Variants in CAMKK2 observed in about 807,000 individuals in gnomAD.
The protein encoded by CAMKK2 is calcium/calmodulin dependent protein kinase kinase 2.
In CAMKK2, 30 loss-of-function variants were observed where a neutral mutation model predicts 67.2. The ratio of observed to expected loss-of-function variants is 0.45; its 90% CI spans 0.33 to 0.61. The LOEUF (loss-of-function observed/expected upper bound fraction) is 0.61. CAMKK2 is among the 20% of genes least tolerant of loss of function. The pLI is 0.02. For synonymous variants in CAMKK2, 322 were observed against 326.2 expected, an observed-to-expected ratio of 0.99 and a Z score of 0.14; for missense variants, 643 against 802.0, an observed-to-expected ratio of 0.80 and a Z score of 2.39.
In CAMKK2 at chr12:121,295,017, G is replaced by A. The variant is rs192328435; in HGVS notation, c.-60+1621C>T. Among the ~76,000 whole-genome samples the A allele has an allele frequency of 3.7e-3, 567 of 152,068 alleles. 1 individual carries two copies. Among genetic ancestry groups the A allele is most frequent in the African/African-American group, 0.013 (529 of 41,498 alleles). On this transcript the variant is annotated intron_variant, in intron 1 of 16. Coordinates refer to ENST00000404169, the MANE Select transcript of CAMKK2 (RefSeq NM_001270485.2). ...AAACCCCTTCTCTACTAAAAATACA[G>A]AAATTAGCCAGGCATGGTGGTGGGC...
rs201777143 is a variant in CAMKK2 at position 121,255,648 on chromosome 12, C to T, written c.819-10G>A. On this transcript the variant is annotated splice_polypyrimidine_tract_variant and intron_variant, in intron 8 of 16. Transcript: ENST00000404169. Reference sequence around the variant, plus strand: ...CACTTCCATCACGGGCCTGAAAGGTCGACACTCATGTGAAACACAAAGCAG... The same window carrying T: ...CACTTCCATCACGGGCCTGAAAGGTTGACACTCATGTGAAACACAAAGCAG... The T allele has an allele frequency of 1.4e-5, 23 of 1,611,830 alleles. No individual in the cohort carries two copies. In the East Asian group the frequency reaches 3.3e-4, roughly 23 times the overall value.
At chr12:121,288,147 C>A (rs1242280751) in intron 1 of CAMKK2, among the ~76,000 whole-genome samples, 2 of 152,126 alleles carry the variant, frequency 1.3e-5, no homozygotes, top group African/African-American at 4.8e-5. Context: ...CCTCTTCCCC[C>A]ACTGCATCCC....
chr12:121,257,867 C>A lies in CAMKK2; in HGVS notation c.797-2063G>T, dbSNP rs184808500. 3.9e-5 allele frequency among the ~76,000 whole-genome samples: 6 copies of A among 152,242 alleles called. No individual in the cohort carries two copies. The East Asian group carries it at 9.7e-4, about 25-fold the overall frequency. On this transcript the variant is annotated intron_variant, in intron 7 of 16. Transcript: ENST00000404169. ...CAAGCTTCATGAATTTCTGCACCAT[C>A]CTCCCACCCACCCAAGCACCATAAA...
chr12:121,276,525 G>A lies in CAMKK2; in HGVS notation c.-59-1940C>T, dbSNP rs541824233. ...TCCCCTTAGGCTGTCAATTCTTACCGTCTCTGGGACAGAACATTAACCTTT... is the reference window on the plus strand; with the variant it reads ...TCCCCTTAGGCTGTCAATTCTTACCATCTCTGGGACAGAACATTAACCTTT... On this transcript the variant is annotated intron_variant, in intron 1 of 16. Transcript: ENST00000404169. Among the ~76,000 whole-genome samples, 7 of 152,240 alleles carry A rather than the reference G, an allele frequency of 4.6e-5. No homozygotes were observed. In the South Asian group the frequency reaches 8.3e-4, roughly 18 times the overall value.
In CAMKK2 at chr12:121,255,635, G is replaced by A. The variant is rs200666591; in HGVS notation, c.822C>T (p.Pro274=). The A allele has an allele frequency of 1.2e-5, 20 of 1,612,262 alleles. No homozygotes were observed. Among genetic ancestry groups the A allele is most frequent in the South Asian group, 1.1e-4 (10 of 90,806 alleles). ...GTTTGAGGGTGGGCACTTCCATCAC[G>A]GGCCTGAAAGGTCGACACTCATGTG... ...YMVFELVNQG[P]VMEVPTLKPL... is the part of the protein sequence containing the mutation. The change falls in exon 9 of 17, where the codon CCC becomes CCT. Residue 274 remains proline (P), a synonymous_variant. Transcript: ENST00000404169.
upstream of CAMKK2, chr12:121,296,814 C>A (rs1352194192): frequency 4.1e-5 from 6 of 147,348 alleles, no homozygotes; most frequent in Non-Finnish European, 9.1e-5. The surrounding 1 kb of genome is among the most constrained non-coding windows in gnomAD (Gnocchi z 7.1). Context: ...CCCCGGGCAG[C>A]GCGGGGATTG....
intron 6 of CAMKK2, among the ~76,000 whole-genome samples, chr12:121,262,676 G>C (rs923993205): frequency 6.6e-6 from 1 of 151,644 alleles, no homozygotes; most frequent in African/African-American, 2.4e-5. Context: ...CTCCCACCTC[G>C]GCCTTCGGAA....
chr12:121,297,510 C>T, upstream of CAMKK2: 1 of 467,000 alleles, frequency 2.1e-6, no homozygotes, highest in South Asian at 1.5e-5. Flanking sequence ...ACAGCATATT[C>T]TTCCCATTCT....
rs1888272038 is a variant in CAMKK2 at position 121,240,986 on chromosome 12, A to G, written c.1597-117T>C. ...AGTGGGCCGTCGCGCACCCCCTGGA[A>G]CGTGATCTACGTAACCCAGTCTTTG... On this transcript the variant is annotated intron_variant, in intron 16 of 16. Coordinates refer to ENST00000404169, the MANE Select transcript of CAMKK2 (RefSeq NM_001270485.2). The surrounding 1 kb of genome is among the most constrained non-coding windows in gnomAD (Gnocchi z 4.4). The G allele has an allele frequency of 2.1e-6, 2 of 931,092 alleles. No homozygotes were observed. The highest frequency in any genetic ancestry group is 3.3e-6 in the Non-Finnish European group (2 of 608,350). The allele number at this position is 931,092 out of a possible 1,614,324, so 57.7% of individuals were successfully genotyped here. A position where few individuals can be genotyped will look rare whatever the true frequency, so the allele number is the denominator to read the frequency against.
At chr12:121,256,310 C>T (rs1262370753) in intron 7 of CAMKK2, among the ~76,000 whole-genome samples, 2 of 152,102 alleles carry the variant, frequency 1.3e-5, no homozygotes, top group Non-Finnish European at 1.5e-5. Context: ...ACCTGGACAG[C>T]GGAGGTTGCA....
upstream of CAMKK2, chr12:121,297,647 C>T (rs776018360): frequency 7.7e-6 from 4 of 517,648 alleles, no homozygotes; most frequent in South Asian, 4.2e-5. Context: ...CCTACGGGGT[C>T]GAGCGACCCA....
intron 1 of CAMKK2, 64 bp from the exon 2 acceptor site, chr12:121,274,649 C>G: frequency 1.5e-6 from 1 of 659,254 alleles, no homozygotes. Flanking sequence ...AGGATCCCCT[C>G]TCCTCCTGGC....
chr12:121,244,088 C>A (rs750494167), intron 16 of CAMKK2: 12 of 1,610,708 alleles, frequency 7.5e-6, no homozygotes, highest in Non-Finnish European at 1.0e-5. Context: ...GGAACTCTTA[C>A]GTTACTTTGC....
upstream of CAMKK2, chr12:121,297,709 GGA>G (rs770789899): frequency 5.8e-6 from 3 of 517,586 alleles, no homozygotes; most frequent in South Asian, 4.2e-5. Context: ...CGAGTTGACA[GGA>G]GAGTCAACCT....
intron 7 of CAMKK2, among the ~76,000 whole-genome samples, chr12:121,256,859 T>C (rs950701621): frequency 6.6e-6 from 1 of 152,218 alleles, no homozygotes; most frequent in Admixed American, 6.5e-5. Context: ...AGTGCTGCAA[T>C]GAACGTTCGT....
At chr12:121,278,261 G>T (rs1005232816) in intron 1 of CAMKK2, among the ~76,000 whole-genome samples, 5 of 152,048 alleles carry the variant, frequency 3.3e-5, no homozygotes, top group African/African-American at 1.2e-4. Context: ...CCTTCTCATG[G>T]TCCTTATGTC....
At chr12:121,250,380 A>G (rs1415132079) in intron 11 of CAMKK2, among the ~76,000 whole-genome samples, 1 of 152,170 alleles carries the variant, frequency 6.6e-6, no homozygotes, top group Non-Finnish European at 1.5e-5. Flanking sequence ...CAACAAGAAT[A>G]ACACAAAAGA....
At chr12:121,248,781 C>A (rs202132096) in intron 13 of CAMKK2, 47 bp from the exon 14 acceptor site, 1 of 1,609,906 alleles carries the variant, frequency 6.2e-7, no homozygotes. Context: ...GGCTGGCTAC[C>A]GGGGGGCCCT....
At chr12:121,294,255 C>T (rs1395070815) in intron 1 of CAMKK2, among the ~76,000 whole-genome samples, 1 of 151,876 alleles carries the variant, frequency 6.6e-6, no homozygotes, top group East Asian at 1.9e-4. Context: ...TTCTTTATGT[C>T]GTGGCCCTGG....
Sources: allele counts gnomAD v4.1 joint callset (sites outside exome capture counted in the v4.1 genomes callset), GRCh38; gene constraint gnomAD v4.1.1; non-coding constraint Gnocchi (gnomAD v3.1); transcripts MANE v1.5; gene names NCBI Gene and HGNC (gene_info 2026-07-23, HGNC 2026-07-21).